NRXN1: variants seen among roughly 807,000 people sequenced by gnomAD.
The protein encoded by NRXN1 is neurexin 1.
Under a neutral mutation model 150.9 loss-of-function variants are expected in NRXN1, and 39 were observed. The observed-to-expected ratio is 0.26, with a 90% CI of 0.20 to 0.34. The LOEUF is 0.34. Ranked by LOEUF, NRXN1 falls within the 10% of genes least tolerant of loss-of-function variation. The pLI is 1.00. For synonymous variants in NRXN1, 924 were observed against 757.0 expected (o/e 1.22, Z -3.62); for missense variants, 1,815 against 1,949.9 (o/e 0.93, Z 1.30).
At chr2:50,476,263 T>C (rs1178040354) in intron 15 of NRXN1, among the ~76,000 whole-genome samples, 1 of 152,128 alleles carries the variant, frequency 6.6e-6, no homozygotes, top group Non-Finnish European at 1.5e-5. Context: ...GAGTGTTATC[T>C]GTGAATGAAC....
intron 17 of NRXN1, among the ~76,000 whole-genome samples, chr2:50,447,754 T>C (rs1158518042): frequency 9.6e-6 from 1 of 103,752 alleles, no homozygotes; most frequent in African/African-American, 4.8e-5. Flanking sequence ...TATATATATA[T>C]ATATATATAT....
intron 21 of NRXN1, among the ~76,000 whole-genome samples, chr2:50,016,032 T>C (rs1686531771): frequency 6.6e-6 from 1 of 152,200 alleles, no homozygotes; most frequent in South Asian, 2.1e-4. Context: ...AGTTTAGTTC[T>C]CTTTGCCTCT....
intron 5 of NRXN1, among the ~76,000 whole-genome samples, chr2:50,783,622 C>T (rs1348943874): frequency 6.6e-6 from 1 of 152,140 alleles, no homozygotes; most frequent in East Asian, 1.9e-4. Context: ...ATCTTTTCCA[C>T]ATTGTATCCA....
At chr2:50,788,419 T>C (rs924740676) in intron 5 of NRXN1, among the ~76,000 whole-genome samples, 35 of 152,046 alleles carry the variant, frequency 2.3e-4, no homozygotes, top group African/African-American at 7.0e-4. Flanking sequence ...TACCAAGAGC[T>C]TTCTGTTGAG....
At chr2:50,610,151 T>C (rs1170647254) in intron 8 of NRXN1, among the ~76,000 whole-genome samples, 1 of 152,150 alleles carries the variant, frequency 6.6e-6, no homozygotes, top group Admixed American at 6.6e-5. Context: ...CATCTCATAA[T>C]AGAAATTAAG....
At chr2:50,360,176 C>A (rs966111015) in intron 17 of NRXN1, among the ~76,000 whole-genome samples, 1 of 152,176 alleles carries the variant, frequency 6.6e-6, no homozygotes, top group African/African-American at 2.4e-5. Flanking sequence ...GTGTAAAGAC[C>A]ATTGGCACTA....
At chr2:50,608,236 T>C (rs1379957384) in intron 8 of NRXN1, among the ~76,000 whole-genome samples, 1 of 152,218 alleles carries the variant, frequency 6.6e-6, no homozygotes, top group Admixed American at 6.5e-5. Context: ...CATAAAATAA[T>C]TGTGCACCAA....
At chr2:50,745,406 C>T (rs932629991) in intron 5 of NRXN1, among the ~76,000 whole-genome samples, 6 of 148,420 alleles carry the variant, frequency 4.0e-5, no homozygotes, top group African/African-American at 1.5e-4. Context: ...CCTTCCCCTC[C>T]CCTCCCCTTC....
At chr2:50,259,863 T>C (rs899097466) in intron 17 of NRXN1, among the ~76,000 whole-genome samples, 1 of 151,916 alleles carries the variant, frequency 6.6e-6, no homozygotes, top group Non-Finnish European at 1.5e-5. Flanking sequence ...TTGTACTTAG[T>C]TGATCTGCTT....
At chr2:50,254,837 T>A (rs1039846811) in intron 17 of NRXN1, among the ~76,000 whole-genome samples, 1 of 152,096 alleles carries the variant, frequency 6.6e-6, no homozygotes, top group African/African-American at 2.4e-5. Context: ...CATGCTCTGC[T>A]GCTCTGTCAC....
At chr2:50,706,956 C>A (rs900235619) in intron 5 of NRXN1, among the ~76,000 whole-genome samples, 5 of 151,942 alleles carry the variant, frequency 3.3e-5, no homozygotes, top group Admixed American at 2.6e-4. Flanking sequence ...GTGGTAGTAG[C>A]CCATTTATCT....
chr2:50,769,100 C>G (rs1409345692), intron 5 of NRXN1, among the ~76,000 whole-genome samples: 1 of 152,048 alleles, frequency 6.6e-6, no homozygotes, highest in Non-Finnish European at 1.5e-5. Flanking sequence ...CCTTATACAT[C>G]AATGTATGAG....
chr2:51,006,123 C>T (rs2105140552), intron 2 of NRXN1, among the ~76,000 whole-genome samples: 1 of 151,910 alleles, frequency 6.6e-6, no homozygotes, highest in South Asian at 2.1e-4. Context: ...CAGTCATTGA[C>T]ATTTCTTATA....
intron 17 of NRXN1, among the ~76,000 whole-genome samples, chr2:50,338,896 G>A (rs1031408266): frequency 6.6e-6 from 1 of 152,058 alleles, no homozygotes; most frequent in Non-Finnish European, 1.5e-5. Flanking sequence ...AGATTTTTCA[G>A]TCTTAACATA....
chr2:50,215,362 C>A (rs978108407), intron 18 of NRXN1, among the ~76,000 whole-genome samples: 1 of 151,944 alleles, frequency 6.6e-6, no homozygotes, highest in African/African-American at 2.4e-5. Context: ...TGTGTCAGTG[C>A]GATTCTTAAA....
At chr2:50,961,338 G>A (rs773649826) in intron 2 of NRXN1, among the ~76,000 whole-genome samples, 1 of 151,594 alleles carries the variant, frequency 6.6e-6, no homozygotes, top group African/African-American at 2.4e-5. Flanking sequence ...TGATGCTGAT[G>A]CTTCTAATTC....
At chr2:50,204,063 T>G (rs2062386707) in intron 18 of NRXN1, among the ~76,000 whole-genome samples, 2 of 152,070 alleles carry the variant, frequency 1.3e-5, no homozygotes, top group Admixed American at 1.3e-4. Flanking sequence ...ATCACTAAAA[T>G]GAACCTAAAA....
chr2:49,944,171 T>C (rs1199924142), intron 21 of NRXN1, among the ~76,000 whole-genome samples: 6 of 152,216 alleles, frequency 3.9e-5, no homozygotes, highest in South Asian at 4.1e-4. Context: ...TATGTAGTAC[T>C]TGTGCTTGGC....
chr2:50,749,886 C>A (rs980681416), intron 5 of NRXN1, among the ~76,000 whole-genome samples: 3 of 151,972 alleles, frequency 2.0e-5, no homozygotes, highest in African/African-American at 2.4e-5. Flanking sequence ...ATCTTAACTA[C>A]CCCATCTTCC....
Sources: gnomAD v4.1 joint callset for allele counts (sites outside exome capture counted in the v4.1 genomes callset) on GRCh38, gnomAD v4.1.1 for gene constraint, MANE v1.5 for transcripts, NCBI Gene and HGNC (gene_info 2026-07-23, HGNC 2026-07-21) for gene names.